DENND1B: variants seen among roughly 807,000 people sequenced by gnomAD.
DENND1B encodes DENN domain-containing protein 1B.
A neutral mutation model predicts 90.1 loss-of-function variants in DENND1B; 59 were observed. The ratio of observed to expected loss-of-function variants is 0.65; its 90% CI spans 0.53 to 0.81. The LOEUF (loss-of-function observed/expected upper bound fraction) is 0.81, where lower values mean the gene tolerates loss of function less well. Ranked by LOEUF, DENND1B falls within the 40% of genes least tolerant of loss-of-function variation. The pLI, the probability that DENND1B is intolerant of heterozygous loss-of-function variation, is 0.00. For missense variants in DENND1B, 862 were observed against 912.6 expected (o/e 0.94, Z 0.71); for synonymous variants, 337 against 324.6 (o/e 1.04, Z -0.41).
chr1:197,742,761 G>T (rs1261021402), intron 2 of DENND1B, among the ~76,000 whole-genome samples: 1 of 152,150 alleles, frequency 6.6e-6, no homozygotes, highest in African/African-American at 2.4e-5. Context: ...AGCAAAATTT[G>T]TGGAAGATAA....
chr1:197,626,858 C>G (rs1215537568), intron 10 of DENND1B, among the ~76,000 whole-genome samples: 1 of 152,066 alleles, frequency 6.6e-6, no homozygotes, highest in Non-Finnish European at 1.5e-5. Context: ...CACCACCAAT[C>G]CCACAGAAAT....
chr1:197,590,086 T>A (rs949444984), intron 14 of DENND1B, among the ~76,000 whole-genome samples: 1 of 152,190 alleles, frequency 6.6e-6, no homozygotes, highest in Non-Finnish European at 1.5e-5. Flanking sequence ...AGTATTGTCA[T>A]GTTTAAGGCA....
At chr1:197,622,276 C>A (rs10801620) in intron 10 of DENND1B, among the ~76,000 whole-genome samples, 59,217 of 151,074 alleles carry the variant, frequency 0.39, 14,212 homozygotes, top group East Asian at 0.66. Context: ...TCACAACAAC[C>A]TCATCAAGTA....
chr1:197,511,983 C>A, intron 21 of DENND1B, 39 bp from the exon 22 acceptor site: 1 of 1,488,074 alleles, frequency 6.7e-7, no homozygotes, highest in Non-Finnish European at 9.2e-7. Flanking sequence ...GGTAAATAAC[C>A]ATATTTGCTG....
intron 3 of DENND1B, among the ~76,000 whole-genome samples, chr1:197,705,823 C>G (rs960349478): frequency 3.3e-5 from 5 of 151,698 alleles, no homozygotes; most frequent in African/African-American, 1.2e-4. Context: ...CTTCTTATTC[C>G]CAAGTCATGT....
chr1:197,675,280 A>T lies in DENND1B; in HGVS notation c.127-1111T>A, dbSNP rs560864041. Among the ~76,000 whole-genome samples, 608 of 152,308 alleles carry T rather than the reference A, an allele frequency of 4.0e-3. 3 individuals are homozygous for T. Among genetic ancestry groups the T allele is most frequent in the South Asian group, 0.012 (56 of 4,830 alleles). On this transcript the variant is annotated intron_variant, in intron 3 of 22. Transcript: ENST00000620048. Reference sequence around the variant, plus strand: ...GAATATTTAAACCGTATACATAAATATAGCATTGAGTGTTTTAAAGTAGAA... The same window carrying T: ...GAATATTTAAACCGTATACATAAATTTAGCATTGAGTGTTTTAAAGTAGAA...
At chr1:197,639,294 C>T (rs1484780449) in intron 10 of DENND1B, among the ~76,000 whole-genome samples, 1 of 152,054 alleles carries the variant, frequency 6.6e-6, no homozygotes, top group African/African-American at 2.4e-5. Flanking sequence ...GAACTCCTGA[C>T]CTCAGGTGAT....
intron 11 of DENND1B, among the ~76,000 whole-genome samples, chr1:197,616,851 A>G (rs1280793880): frequency 6.6e-6 from 1 of 151,120 alleles, no homozygotes; most frequent in Non-Finnish European, 1.5e-5. Context: ...GAAAAATCCC[A>G]TCACATTTCT....
intron 2 of DENND1B, among the ~76,000 whole-genome samples, chr1:197,728,462 T>A (rs1403844698): frequency 6.6e-6 from 1 of 152,176 alleles, no homozygotes; most frequent in Non-Finnish European, 1.5e-5. Flanking sequence ...GATTACAACA[T>A]CCCCTTGACT....
At chr1:197,716,897 A>G (rs1271258720) in intron 2 of DENND1B, among the ~76,000 whole-genome samples, 6 of 151,990 alleles carry the variant, frequency 3.9e-5, no homozygotes, top group Non-Finnish European at 7.4e-5. Context: ...TGCTGTTTGT[A>G]GCATTTACCT....
intron 2 of DENND1B, among the ~76,000 whole-genome samples, chr1:197,730,712 C>T (rs920889458): frequency 1.3e-5 from 2 of 151,726 alleles, no homozygotes; most frequent in African/African-American, 4.8e-5. Context: ...ATGTGCCACA[C>T]TAAATGCAGG....
At chr1:197,735,462 T>C in intron 2 of DENND1B, 2 of 1,524,912 alleles carry the variant, frequency 1.3e-6, no homozygotes, top group Non-Finnish European at 1.8e-6. Flanking sequence ...CTCGGGTACA[T>C]TTCCTTTGTT....
intron 5 of DENND1B, among the ~76,000 whole-genome samples, chr1:197,670,959 G>A (rs766481607): frequency 1.1e-4 from 17 of 152,046 alleles, no homozygotes; most frequent in Non-Finnish European, 2.2e-4. Context: ...GCACATTCAC[G>A]ATTCTATAAC....
chr1:197,538,578 T>C (rs1670087020), intron 20 of DENND1B, among the ~76,000 whole-genome samples: 1 of 152,046 alleles, frequency 6.6e-6, no homozygotes, highest in African/African-American at 2.4e-5. Context: ...AGAGAATTTT[T>C]GTGTTTTCCT....
At position 197,674,315 on chromosome 1, in the gene DENND1B, T is replaced by C. The variant is rs181999804; in HGVS notation, c.127-146A>G. 1,214 of 632,112 alleles carry C rather than the reference T, an allele frequency of 1.9e-3. 1 individual carries two copies. Among genetic ancestry groups the C allele is most frequent in the Admixed American group, 7.3e-3 (245 of 33,754 alleles). 39.2% of individuals were successfully genotyped at this position (632,112 alleles called of 1,614,324 possible). On this transcript the variant is annotated intron_variant, in intron 3 of 22. Coordinates refer to ENST00000620048, the MANE Select transcript of DENND1B (RefSeq NM_001195215.2). ...AGCACAGGTTCCTAGACTAAAATAATTGATTATTAAAAAGGAATTAAGTTT... is the reference window on the plus strand; with the variant it reads ...AGCACAGGTTCCTAGACTAAAATAACTGATTATTAAAAAGGAATTAAGTTT...
At chr1:197,651,644 T>TC (rs1558357436) in intron 7 of DENND1B, among the ~76,000 whole-genome samples, 3 of 134,516 alleles carry the variant, frequency 2.2e-5, no homozygotes, top group Non-Finnish European at 1.6e-5. Context: ...AATCAATGCT[T>TC]CTTTTTTTTT....
At chr1:197,616,734 T>C (rs1346007012) in intron 11 of DENND1B, among the ~76,000 whole-genome samples, 1 of 151,142 alleles carries the variant, frequency 6.6e-6, no homozygotes. Context: ...GTTAAATGAG[T>C]GCATTGATTC....
rs1006860716 is a variant in DENND1B at position 197,507,741 on chromosome 1, C to A, written c.*2719G>T. 1 of 151,492 alleles carries A rather than the reference C, an allele frequency of 6.6e-6. No homozygotes were observed. 9.4% of individuals were successfully genotyped at this position (151,492 alleles called of 1,614,324 possible). On this transcript the variant is annotated 3_prime_UTR_variant, in exon 23 of 23. Coordinates refer to ENST00000620048, the MANE Select transcript of DENND1B (RefSeq NM_001195215.2). ...TGGGCACTGTAGAATATAACACTTT[C>A]CTTTATTTCGGAACTCACCCAGTTT...
chr1:197,637,590 C>G (rs1679908346), intron 10 of DENND1B, among the ~76,000 whole-genome samples: 1 of 152,118 alleles, frequency 6.6e-6, no homozygotes, highest in Non-Finnish European at 1.5e-5. Flanking sequence ...TCCTGATGAC[C>G]TCAACAGTAC....
Sources: gnomAD v4.1 joint callset for allele counts (sites outside exome capture counted in the v4.1 genomes callset) on GRCh38, gnomAD v4.1.1 for gene constraint, MANE v1.5 for transcripts, NCBI Gene and HGNC (gene_info 2026-07-23, HGNC 2026-07-21) for gene names.